NKAIN2: variants seen among roughly 807,000 people sequenced by gnomAD.
NKAIN2 encodes sodium/potassium-transporting ATPase subunit beta-1-interacting protein 2.
A neutral mutation model predicts 32.6 loss-of-function variants in NKAIN2; 14 were observed. The observed-to-expected ratio is 0.43, with a 90% CI of 0.28 to 0.67. NKAIN2 has a LOEUF of 0.67. NKAIN2 is among the 30% of genes least tolerant of loss of function. The pLI is 0.17. For missense variants in NKAIN2, 198 were observed against 258.3 expected, an observed-to-expected ratio of 0.77 and a Z score of 1.60; for synonymous variants, 80 against 87.2, an observed-to-expected ratio of 0.92 and a Z score of 0.46.
intron 4 of NKAIN2, among the ~76,000 whole-genome samples, chr6:124,753,064 A>G (rs1777797940): frequency 6.6e-6 from 1 of 152,094 alleles, no homozygotes; most frequent in African/African-American, 2.4e-5. Context: ...CTTTACGGTA[A>G]GTCACACTTT....
intron 1 of NKAIN2, among the ~76,000 whole-genome samples, chr6:124,160,473 A>T (rs113118531): frequency 6.6e-6 from 1 of 152,180 alleles, no homozygotes; most frequent in African/African-American, 2.4e-5. Context: ...TACATACTGT[A>T]TGTATATATA....
At position 124,009,803 on chromosome 6, in the gene NKAIN2, A is replaced by G. The variant is rs1452710314; in HGVS notation, c.54+205549A>G. On this transcript the variant is annotated intron_variant, in intron 1 of 6. Coordinates refer to ENST00000368417, the MANE Select transcript of NKAIN2 (RefSeq NM_001040214.3). The stretch of plus-strand genomic sequence containing the variant: ...AACAATGATTCCTAACGGTTTTTAG[A>G]AAGTGTCCATTTTGTCACCTGCAGT... Among the ~76,000 whole-genome samples, 2 of 152,194 alleles carry G rather than the reference A, an allele frequency of 1.3e-5. 1 individual carries two copies. The highest frequency in any genetic ancestry group is 6.3e-3 in the Middle Eastern group (2 of 316).
intron 1 of NKAIN2, among the ~76,000 whole-genome samples, chr6:124,264,359 A>G (rs1582950616): frequency 6.6e-6 from 1 of 152,256 alleles, no homozygotes; most frequent in East Asian, 1.9e-4. Context: ...CTCCTAAAAC[A>G]TTACCCGGAT....
chr6:124,652,327 T>C (rs1032685318), intron 3 of NKAIN2, among the ~76,000 whole-genome samples: 5 of 152,222 alleles, frequency 3.3e-5, no homozygotes, highest in African/African-American at 1.2e-4. Flanking sequence ...ACTTAAGTAA[T>C]CTATATGAAG....
chr6:124,566,008 G>A (rs1304217224), intron 3 of NKAIN2, among the ~76,000 whole-genome samples: 1 of 152,194 alleles, frequency 6.6e-6, no homozygotes, highest in African/African-American at 2.4e-5. Context: ...TACAGATAAT[G>A]GAAGACTTAG....
intron 2 of NKAIN2, among the ~76,000 whole-genome samples, chr6:124,300,219 C>A (rs1469808915): frequency 6.6e-6 from 1 of 152,068 alleles, no homozygotes; most frequent in African/African-American, 2.4e-5. Flanking sequence ...AGGTCATTTC[C>A]CCTATACTGT....
chr6:124,076,087 T>C (rs11759576), intron 1 of NKAIN2, among the ~76,000 whole-genome samples: 10,803 of 152,292 alleles, frequency 0.071, 441 homozygotes, highest in Middle Eastern at 0.15. Flanking sequence ...GACTGGTCTC[T>C]CTGTAAGTCC....
chr6:123,983,792 TA>T (rs1779011616), intron 1 of NKAIN2, among the ~76,000 whole-genome samples: 1 of 152,124 alleles, frequency 6.6e-6, no homozygotes, highest in Non-Finnish European at 1.5e-5. Context: ...TATTCTCTTA[TA>T]AATTAAACTC....
intron 1 of NKAIN2, among the ~76,000 whole-genome samples, chr6:123,928,446 C>A (rs909321758): frequency 6.6e-6 from 1 of 152,074 alleles, no homozygotes; most frequent in East Asian, 1.9e-4. Flanking sequence ...GTGTGACGAT[C>A]CTTTATGTTG....
At chr6:123,945,659 A>AC (rs1257572745) in intron 1 of NKAIN2, among the ~76,000 whole-genome samples, 1 of 151,864 alleles carries the variant, frequency 6.6e-6, no homozygotes, top group Non-Finnish European at 1.5e-5. Context: ...AAGCTGACTT[A>AC]CTCCCTTCTC....
At chr6:124,691,216 AC>A (rs1286786603) in intron 4 of NKAIN2, among the ~76,000 whole-genome samples, 1 of 152,106 alleles carries the variant, frequency 6.6e-6, no homozygotes, top group Non-Finnish European at 1.5e-5. Flanking sequence ...ATACTGGATC[AC>A]TTCTGCTAAG....
intron 1 of NKAIN2, among the ~76,000 whole-genome samples, chr6:124,265,007 C>A (rs1794425938): frequency 1.3e-5 from 2 of 152,066 alleles, no homozygotes; most frequent in Non-Finnish European, 2.9e-5. Context: ...GACAGGTCCA[C>A]ATCCAAATTA....
chr6:124,788,446 C>T (rs141863058), intron 4 of NKAIN2, among the ~76,000 whole-genome samples: 145 of 152,090 alleles, frequency 9.5e-4, no homozygotes, highest in African/African-American at 3.3e-3. Flanking sequence ...AAGACATACC[C>T]GAGACTGGGT....
intron 1 of NKAIN2, among the ~76,000 whole-genome samples, chr6:124,077,785 G>T (rs2114898051): frequency 6.6e-6 from 1 of 151,774 alleles, no homozygotes; most frequent in South Asian, 2.1e-4. Flanking sequence ...TTTTTGTGGA[G>T]TTGAAGGCTT....
At chr6:124,328,824 A>T (rs1213965697) in intron 2 of NKAIN2, among the ~76,000 whole-genome samples, 1 of 152,162 alleles carries the variant, frequency 6.6e-6, no homozygotes, top group African/African-American at 2.4e-5. Context: ...CCAGGTATTT[A>T]AAAATAAGCC....
chr6:124,180,351 A>AGT (rs1451255428), intron 1 of NKAIN2, among the ~76,000 whole-genome samples: 12 of 152,106 alleles, frequency 7.9e-5, no homozygotes. Context: ...CAGACAAGAG[A>AGT]GTGTGTGTAG....
intron 1 of NKAIN2, among the ~76,000 whole-genome samples, chr6:123,931,313 C>T (rs541395026): frequency 6.6e-6 from 1 of 152,070 alleles, no homozygotes; most frequent in African/African-American, 2.4e-5. Flanking sequence ...TTTTTTTACC[C>T]TTTCTGACAC....
intron 1 of NKAIN2, among the ~76,000 whole-genome samples, chr6:124,261,493 C>T (rs1794245225): frequency 6.6e-6 from 1 of 152,152 alleles, no homozygotes. Context: ...AGGTGACTGT[C>T]ATAGTCATTG....
At position 124,498,311 on chromosome 6, in the gene NKAIN2, C is replaced by T. The variant is rs77878971; in HGVS notation, c.273+142964C>T. On this transcript the variant is annotated intron_variant, in intron 3 of 6. Coordinates refer to ENST00000368417, the MANE Select transcript of NKAIN2 (RefSeq NM_001040214.3). The stretch of plus-strand genomic sequence containing the variant: ...TTTATTTTCAGTCTAGAGCCCTCAG[C>T]GTACAGAAATATCCTTGATTATTTG... Among the ~76,000 whole-genome samples, 144 of 152,068 alleles carry T rather than the reference C, an allele frequency of 9.5e-4. 4 individuals are homozygous for T. In the East Asian group the frequency reaches 0.025, roughly 27 times the overall value.
Sources: gnomAD v4.1 joint callset for allele counts (sites outside exome capture counted in the v4.1 genomes callset) on GRCh38, gnomAD v4.1.1 for gene constraint, MANE v1.5 for transcripts, NCBI Gene and HGNC (gene_info 2026-07-23, HGNC 2026-07-21) for gene names.